Variants in EXOSC7 observed in about 807,000 individuals in gnomAD.
EXOSC7 encodes exosome component 7, also known as exosome complex component RRP42.
In EXOSC7, 25 loss-of-function variants were observed where a neutral mutation model predicts 34.3. The observed-to-expected ratio is 0.73, with a 90% CI of 0.53 to 1.02. The LOEUF is 1.02. Ranked by LOEUF, EXOSC7 falls within the 50% of genes least tolerant of loss-of-function variation. EXOSC7 has a pLI of 0.00. For missense variants in EXOSC7, 370 were observed against 368.5 expected, an observed-to-expected ratio of 1.00 and a Z score of -0.03; for synonymous variants, 130 against 143.0, an observed-to-expected ratio of 0.91 and a Z score of 0.65.
intron 4 of EXOSC7, among the ~76,000 whole-genome samples, chr3:45,000,291 C>G (rs1706838469): frequency 3.3e-5 from 5 of 152,198 alleles, no homozygotes. Context: ...CTCATAGCAC[C>G]CCTTCTGTTG....
intron 4 of EXOSC7, among the ~76,000 whole-genome samples, chr3:44,998,224 T>C (rs1386513185): frequency 6.6e-6 from 1 of 151,866 alleles, no homozygotes; most frequent in Admixed American, 6.6e-5. Flanking sequence ...TTAGTAGAGA[T>C]GGGGTTTCAT....
downstream of EXOSC7, chr3:45,011,498 G>A (rs1311719856): frequency 3.7e-6 from 2 of 535,132 alleles, no homozygotes; most frequent in African/African-American, 2.0e-5. Context: ...GAGTTCTTCA[G>A]TTGAAGCCAA....
rs1216591618 is a variant in EXOSC7, at chr3:45,011,304, G to T, written c.841G>T (p.Gly281Trp). ...TGTTGTGCACAAGGAAGAAAGCCTG[G>T]GGCCCAAGAGACAGAAAGTTGGATT... ...QSVVHKEESL[G>W]PKRQKVGFLG is the part of the protein sequence containing the mutation. Residue 281 changes from glycine to tryptophan, a missense_variant, in exon 8 of 8, where the codon GGG (glycine) becomes TGG (tryptophan). Physicochemically the swap from Gly to Trp is radical, Grantham distance 184. Transcript: ENST00000265564. 2.5e-6 allele frequency: 4 copies of T among 1,612,962 alleles called. No individual in the cohort carries two copies. The African/African-American group carries it at 5.3e-5, about 22-fold the overall frequency.
At chr3:45,011,643 A>G (rs1475648259), downstream of EXOSC7, among the ~76,000 whole-genome samples, 1 of 152,222 alleles carries the variant, frequency 6.6e-6, no homozygotes, top group Non-Finnish European at 1.5e-5. Flanking sequence ...GGAAATGCTT[A>G]TGATATGTAT....
chr3:44,998,069 T>C (rs1487755049), intron 4 of EXOSC7, among the ~76,000 whole-genome samples: 1 of 149,410 alleles, frequency 6.7e-6, no homozygotes, highest in South Asian at 2.1e-4. Context: ...GGAGTCTTGC[T>C]CTGTCACCCA....
Position 45,006,068 on chromosome 3 carries a change from C to CTTTTT in EXOSC7, c.615+679_615+683dup, listed in dbSNP as rs34869939. Among the ~76,000 whole-genome samples, 37 of 47,302 alleles carry CTTTTT rather than the reference C, an allele frequency of 7.8e-4. 9 individuals are homozygous for CTTTTT. Among genetic ancestry groups the CTTTTT allele is most frequent in the African/African-American group, 2.3e-3 (27 of 11,952 alleles). The allele number at this position is 47,302 out of a possible 152,430, so 31.0% of individuals were successfully genotyped here. A position where few individuals can be genotyped will look rare whatever the true frequency, so the allele number is the denominator to read the frequency against. On this transcript the variant is annotated intron_variant, in intron 6 of 7. Transcript: ENST00000265564. ...AGGATGGCAGGATGTTGGGTCTTGGCTTTTTTTTTTTTTTTTTTTTTTTTT... is the reference window on the plus strand; with the variant it reads ...AGGATGGCAGGATGTTGGGTCTTGGCTTTTTTTTTTTTTTTTTTTTTTTTTTTTTT...
chr3:45,010,373 G>A (rs770194496), intron 7 of EXOSC7, among the ~76,000 whole-genome samples: 2 of 152,040 alleles, frequency 1.3e-5, no homozygotes, highest in Non-Finnish European at 2.9e-5. Flanking sequence ...TCAGCCCCCT[G>A]AGTAGCTGGG....
intron 3 of EXOSC7, among the ~76,000 whole-genome samples, chr3:44,990,835 C>G (rs984285970): frequency 4.6e-5 from 7 of 152,222 alleles, no homozygotes; most frequent in African/African-American, 1.7e-4. Context: ...TTACTATTGC[C>G]TGGGAGCCAG....
intron 3 of EXOSC7, 137 bp from the exon 4 acceptor site, chr3:44,996,950 C>T (rs770417148): frequency 5.8e-4 from 483 of 837,020 alleles, no homozygotes; most frequent in Non-Finnish European, 7.3e-4. Flanking sequence ...AGATGCCATC[C>T]TTTCCTCATC....
intron 7 of EXOSC7, among the ~76,000 whole-genome samples, chr3:45,007,861 T>C (rs1200558380): frequency 6.6e-6 from 1 of 152,202 alleles, no homozygotes; most frequent in Non-Finnish European, 1.5e-5. Flanking sequence ...TGTTGGACTT[T>C]CATAATGTAA....
At chr3:45,007,346 C>T (rs950427240) in intron 6 of EXOSC7, 74 bp from the exon 7 acceptor site, 3 of 1,534,338 alleles carry the variant, frequency 2.0e-6, no homozygotes, top group African/African-American at 2.7e-5. Context: ...TAGAGATTCC[C>T]ACCACGAGGC....
chr3:45,004,262 C>G (rs1706965753), intron 5 of EXOSC7: 1 of 145,896 alleles, frequency 6.9e-6, no homozygotes, highest in Non-Finnish European at 1.5e-5. Context: ...TCAACTCTTG[C>G]TTTTTTTTTT....
intron 3 of EXOSC7, among the ~76,000 whole-genome samples, chr3:44,995,162 T>G (rs1706686441): frequency 6.6e-6 from 1 of 152,154 alleles, no homozygotes; most frequent in South Asian, 2.1e-4. Context: ...TTTGTATTAT[T>G]AGTAGAGACG....
chr3:44,993,953 T>TA (rs908131685), intron 3 of EXOSC7, among the ~76,000 whole-genome samples: 93 of 152,262 alleles, frequency 6.1e-4, no homozygotes, highest in African/African-American at 2.1e-3. Context: ...AGGCAAAAGG[T>TA]AAAACCAAGG....
In EXOSC7 at chr3:45,001,671, A is replaced by G. The variant is rs899026128; in HGVS notation, c.491+63A>G. The stretch of plus-strand genomic sequence containing the variant: ...GAACCAGAGCAGACACTTGTAATGG[A>G]ACACTGAGGAAATTTCTATTGTAGC... On this transcript the variant is annotated intron_variant, in intron 5 of 7. Transcript: ENST00000265564. The G allele has an allele frequency of 8.7e-6, 10 of 1,151,660 alleles. No homozygotes were observed. In the African/African-American group the frequency reaches 1.2e-4, roughly 14 times the overall value. The allele number at this position is 1,151,660 out of a possible 1,614,324, so 71.3% of individuals were successfully genotyped here.
At chr3:45,004,453 A>C (rs1044672905) in intron 5 of EXOSC7, 1 of 150,636 alleles carries the variant, frequency 6.6e-6, no homozygotes, top group Non-Finnish European at 1.5e-5. Flanking sequence ...ATGGGGTTTC[A>C]CCATCTTGGC....
At chr3:44,983,147 T>C (rs1706316760) in intron 1 of EXOSC7, among the ~76,000 whole-genome samples, 1 of 152,196 alleles carries the variant, frequency 6.6e-6, no homozygotes, top group Non-Finnish European at 1.5e-5. Flanking sequence ...TAAGAAGTAA[T>C]AGGACTGGGC....
At chr3:44,983,741 A>G (rs1706334517) in intron 1 of EXOSC7, among the ~76,000 whole-genome samples, 1 of 152,040 alleles carries the variant, frequency 6.6e-6, no homozygotes, top group East Asian at 2.0e-4. Context: ...GTGTTCACAC[A>G]TGGATTAATT....
Position 44,979,676 on chromosome 3 carries a change from C to T in EXOSC7, c.57+3342C>T, listed in dbSNP as rs567433664. 1.3e-4 allele frequency among the ~76,000 whole-genome samples: 20 copies of T among 151,944 alleles called. No homozygotes were observed. In the East Asian group the frequency reaches 3.3e-3, roughly 25 times the overall value. Reference sequence around the variant, plus strand: ...GGCCAGTGGTAGAAAAAATGTGGTTCCTTCCCAGTTCCTCTGTAAAAGAGA... The same window carrying T: ...GGCCAGTGGTAGAAAAAATGTGGTTTCTTCCCAGTTCCTCTGTAAAAGAGA... On this transcript the variant is annotated intron_variant, in intron 1 of 7. Transcript: ENST00000265564.
Sources: gnomAD v4.1 joint callset for allele counts (sites outside exome capture counted in the v4.1 genomes callset) on GRCh38, gnomAD v4.1.1 for gene constraint, MANE v1.5 for transcripts, NCBI Gene and HGNC (gene_info 2026-07-23, HGNC 2026-07-21) for gene names.